The following NFIA variants were observed in gnomAD, a reference collection of about 807,000 sequenced individuals.
NFIA encodes the protein nuclear factor I A.
Under a neutral mutation model 62.8 loss-of-function variants are expected in NFIA, and 8 were observed. The observed-to-expected ratio is 0.13, with a 90% CI of 0.07 to 0.23. NFIA has a LOEUF of 0.23. Among genes scored for constraint, NFIA ranks in the 10% least tolerant of loss-of-function variants. The pLI is 1.00. For missense variants in NFIA, 410 were observed against 642.1 expected (o/e 0.64, Z 3.91); for synonymous variants, 235 against 238.1 (o/e 0.99, Z 0.12).
At chr1:61,235,268 C>T (rs924462418) in intron 2 of NFIA, among the ~76,000 whole-genome samples, 3 of 151,940 alleles carry the variant, frequency 2.0e-5, no homozygotes, top group African/African-American at 4.8e-5. Context: ...CGAGACCATC[C>T]TGTCTAACAC....
chr1:61,264,728 G>A (rs1206394506), intron 2 of NFIA, among the ~76,000 whole-genome samples: 2 of 146,730 alleles, frequency 1.4e-5, no homozygotes, highest in East Asian at 2.0e-4. Context: ...CAAACTATTA[G>A]TAGTCCTTAT....
rs533661577 is a variant in NFIA at position 61,150,732 on chromosome 1, G to A, written c.559+62052G>A. Among the ~76,000 whole-genome samples the A allele has an allele frequency of 1.7e-4, 26 of 152,282 alleles. 2 individuals are homozygous for A. The South Asian group carries it at 5.4e-3, about 32-fold the overall frequency. On this transcript the variant is annotated intron_variant, in intron 2 of 10. Coordinates refer to ENST00000403491, the MANE Select transcript of NFIA (RefSeq NM_001134673.4). ...CTGAAGCGCCTGCTTTCTTCTCAAA[G>A]AGCCCGATCGAATACTCTTCTGTGG... is the stretch of plus-strand genomic sequence containing the variant.
intron 10 of NFIA, among the ~76,000 whole-genome samples, chr1:61,450,497 C>G (rs2474360): frequency 3.9e-5 from 6 of 152,144 alleles, no homozygotes; most frequent in Admixed American, 1.3e-4. Flanking sequence ...TGCACAACAG[C>G]GACAGCAGCT....
intron 2 of NFIA, among the ~76,000 whole-genome samples, chr1:61,222,672 T>G (rs1216110520): frequency 1.3e-5 from 2 of 152,116 alleles, no homozygotes; most frequent in African/African-American, 4.8e-5. Context: ...AACACTGTTA[T>G]GCTGAAATAA....
At chr1:61,411,789 A>G (rs1666115460) in intron 9 of NFIA, among the ~76,000 whole-genome samples, 1 of 151,820 alleles carries the variant, frequency 6.6e-6, no homozygotes, top group Non-Finnish European at 1.5e-5. Context: ...GCAAATTTGA[A>G]CAAAGTCTGG....
intron 2 of NFIA, among the ~76,000 whole-genome samples, chr1:61,154,281 G>A (rs1446429378): frequency 6.6e-6 from 1 of 152,018 alleles, no homozygotes; most frequent in Admixed American, 6.6e-5. Flanking sequence ...TCAGCCTTCC[G>A]AGTAGCTGAG....
chr1:61,131,921 A>G (rs1647087555), intron 2 of NFIA, among the ~76,000 whole-genome samples: 1 of 152,192 alleles, frequency 6.6e-6, no homozygotes, highest in African/African-American at 2.4e-5. Flanking sequence ...AAGCAGATGT[A>G]GACTTTTGGA....
chr1:61,229,343 G>A (rs1654527104), intron 2 of NFIA, among the ~76,000 whole-genome samples: 1 of 151,998 alleles, frequency 6.6e-6, no homozygotes, highest in African/African-American at 2.4e-5. Flanking sequence ...AATATCTTTT[G>A]TATTTATGCT....
In NFIA at chr1:61,082,684, C is replaced by T. The variant is rs1646132284; in HGVS notation, c.-108C>T. The T allele has an allele frequency of 3.9e-6, 6 of 1,537,480 alleles. No individual in the cohort carries two copies. The highest frequency in any genetic ancestry group is 2.0e-5 in the Admixed American group (1 of 49,256). ...TTTTTCTCCCCCCTTCTCTCTCTCT[C>T]TCTCTCTCTCTCTTCCTCTCTCCCT... On this transcript the variant is annotated 5_prime_UTR_variant, in exon 1 of 11. Coordinates refer to ENST00000403491, the MANE Select transcript of NFIA (RefSeq NM_001134673.4).
chr1:61,314,858 C>G (rs1186357989), intron 3 of NFIA, among the ~76,000 whole-genome samples: 1 of 152,190 alleles, frequency 6.6e-6, no homozygotes, highest in Non-Finnish European at 1.5e-5. Context: ...GCCTTCCCCA[C>G]TAGCTGTTCT....
At chr1:61,170,586 G>A in intron 2 of NFIA, among the ~76,000 whole-genome samples, 1 of 152,112 alleles carries the variant, frequency 6.6e-6, no homozygotes, top group East Asian at 1.9e-4. Context: ...TTGAACTCTT[G>A]CCTGGGAATA....
At chr1:61,249,545 G>C (rs568374630) in intron 2 of NFIA, among the ~76,000 whole-genome samples, 2 of 152,222 alleles carry the variant, frequency 1.3e-5, no homozygotes, top group African/African-American at 4.8e-5. Context: ...AAGGCAGGTG[G>C]ATCCCAGCAC....
intron 4 of NFIA, among the ~76,000 whole-genome samples, chr1:61,335,754 A>C (rs1219750665): frequency 1.3e-5 from 2 of 152,016 alleles, no homozygotes; most frequent in Non-Finnish European, 2.9e-5. Context: ...AGGCAGGAGA[A>C]TCGCTTGAAC....
intron 2 of NFIA, among the ~76,000 whole-genome samples, chr1:61,273,245 T>C (rs1657621834): frequency 6.6e-6 from 1 of 152,166 alleles, no homozygotes; most frequent in Non-Finnish European, 1.5e-5. Flanking sequence ...ATGTGTGAAA[T>C]ATTCCTCCAT....
At chr1:61,171,803 T>C (rs561842145) in intron 2 of NFIA, among the ~76,000 whole-genome samples, 29 of 152,308 alleles carry the variant, frequency 1.9e-4, no homozygotes, top group East Asian at 3.9e-4. Context: ...TCTGTACTTA[T>C]AGGAACTGTG....
chr1:61,077,912 C>G (rs1377347737), upstream of NFIA, among the ~76,000 whole-genome samples: 1 of 149,320 alleles, frequency 6.7e-6, no homozygotes, highest in East Asian at 2.0e-4. Context: ...TTTTTTCCTC[C>G]TAGCGCTTGC....
At chr1:61,360,743 C>T (rs1040021387) in intron 6 of NFIA, among the ~76,000 whole-genome samples, 11 of 152,186 alleles carry the variant, frequency 7.2e-5, no homozygotes, top group Non-Finnish European at 7.3e-5. Flanking sequence ...GTGGTGGTCA[C>T]AGTAATCTAT....
chr1:61,440,787 G>C (rs1202802920), intron 10 of NFIA, among the ~76,000 whole-genome samples: 1 of 151,950 alleles, frequency 6.6e-6, no homozygotes, highest in African/African-American at 2.4e-5. Context: ...GGGAAGAAAG[G>C]ATATTTAAAT....
At chr1:61,273,244 A>G (rs766412147) in intron 2 of NFIA, among the ~76,000 whole-genome samples, 1 of 152,158 alleles carries the variant, frequency 6.6e-6, no homozygotes, top group Admixed American at 6.5e-5. Flanking sequence ...AATGTGTGAA[A>G]TATTCCTCCA....
Sources: allele counts gnomAD v4.1 joint callset (sites outside exome capture counted in the v4.1 genomes callset), GRCh38; gene constraint gnomAD v4.1.1; transcripts MANE v1.5; gene names NCBI Gene and HGNC (gene_info 2026-07-23, HGNC 2026-07-21).